Variants in SKIC3 observed in about 807,000 individuals in gnomAD.
SKIC3 encodes the protein superkiller complex protein 3.
At chr5:95,506,657 C>T in the SKIC3 span, among the ~76,000 whole-genome samples, 2 of 152,122 alleles carry the variant, frequency 1.3e-5, no homozygotes, top group East Asian at 1.9e-4. Context: ...TTCCAATTAA[C>T]GAGGCTTCTA....
chr5:95,477,336 C>T, the SKIC3 span, among the ~76,000 whole-genome samples: 1 of 151,932 alleles, frequency 6.6e-6, no homozygotes, highest in Non-Finnish European at 1.5e-5. Context: ...ATGTGCTCTA[C>T]AGTAATGGCA....
the SKIC3 span, among the ~76,000 whole-genome samples, chr5:95,537,897 A>G: frequency 1.3e-5 from 2 of 152,192 alleles, no homozygotes; most frequent in Admixed American, 6.5e-5. Context: ...TATAAAGTCT[A>G]TGTAAATAAG....
the SKIC3 span, chr5:95,484,735 G>A: frequency 6.2e-7 from 1 of 1,614,140 alleles, no homozygotes; most frequent in Non-Finnish European, 8.5e-7. Context: ...TTTGTGCAGA[G>A]AGTTTCAGCT....
At chr5:95,516,574 T>C in the SKIC3 span, 1 of 1,613,464 alleles carries the variant, frequency 6.2e-7, no homozygotes, top group Non-Finnish European at 8.5e-7. Flanking sequence ...AGCAAGGGCA[T>C]AATTTCCAAT....
At chr5:95,543,268 T>C in the SKIC3 span, 1 of 1,614,130 alleles carries the variant, frequency 6.2e-7, no homozygotes, top group Non-Finnish European at 8.5e-7. Context: ...CTAGTTCAGC[T>C]GCAGCAACGC....
At chr5:95,547,193 A>C in the SKIC3 span, 3 of 1,565,516 alleles carry the variant, frequency 1.9e-6, no homozygotes, top group Non-Finnish European at 8.8e-7. Flanking sequence ...AGTAATACCT[A>C]CCCAATCGTA....
At chr5:95,523,006 TCTC>T in the SKIC3 span, among the ~76,000 whole-genome samples, 1 of 152,134 alleles carries the variant, frequency 6.6e-6, no homozygotes. Context: ...AATCTGGCTA[TCTC>T]CTCAACAACA....
the SKIC3 span, chr5:95,498,508 T>C: frequency 6.2e-7 from 1 of 1,614,240 alleles, no homozygotes. Context: ...AAGTGCTGCT[T>C]TTGACAGTGT....
At chr5:95,552,444 C>T in the SKIC3 span, among the ~76,000 whole-genome samples, 2 of 152,126 alleles carry the variant, frequency 1.3e-5, no homozygotes, top group Admixed American at 6.5e-5. Flanking sequence ...TTCTTATATA[C>T]CCAACACTTA....
chr5:95,521,915 G>A, the SKIC3 span: 9 of 991,776 alleles, frequency 9.1e-6, no homozygotes, highest in South Asian at 1.4e-4. Flanking sequence ...AAGCTATACT[G>A]TAAGAGGTTC....
At chr5:95,530,865 T>G in the SKIC3 span, among the ~76,000 whole-genome samples, 3 of 152,202 alleles carry the variant, frequency 2.0e-5, no homozygotes, top group African/African-American at 7.2e-5. Flanking sequence ...TTAGAAAACA[T>G]TATATATTTT....
the SKIC3 span, among the ~76,000 whole-genome samples, chr5:95,506,776 T>G: frequency 6.6e-6 from 1 of 152,178 alleles, no homozygotes. Context: ...GTTACCATTA[T>G]AGGTATAGGA....
chr5:95,514,846 A>G, the SKIC3 span: 61 of 1,611,050 alleles, frequency 3.8e-5, no homozygotes, highest in Non-Finnish European at 4.7e-5. Context: ...TATATGTTAT[A>G]TTTCTTACTT....
the SKIC3 span, chr5:95,506,842 T>C: frequency 7.9e-7 from 1 of 1,258,854 alleles, no homozygotes; most frequent in Non-Finnish European, 1.2e-6. Context: ...GTACCAGTAT[T>C]CTAGGAACTA....
the SKIC3 span, chr5:95,469,646 T>C: frequency 1.6e-6 from 2 of 1,221,262 alleles, no homozygotes; most frequent in South Asian, 1.3e-5. Context: ...TAGATACAGA[T>C]ATATAAATAC....
At chr5:95,541,194 G>C in the SKIC3 span, 1 of 962,338 alleles carries the variant, frequency 1.0e-6, no homozygotes, top group Non-Finnish European at 1.7e-6. Context: ...TCGAACTCCC[G>C]ACCTCAGGTG....
the SKIC3 span, among the ~76,000 whole-genome samples, chr5:95,489,512 C>A: frequency 3.8e-5 from 5 of 130,894 alleles, no homozygotes; most frequent in African/African-American, 6.1e-5. Flanking sequence ...TAAAAAAGGG[C>A]AACCAGTTAA....
At chr5:95,506,454 ATCTT>A in the SKIC3 span, among the ~76,000 whole-genome samples, 2 of 152,116 alleles carry the variant, frequency 1.3e-5, no homozygotes, top group East Asian at 1.9e-4. Flanking sequence ...CTGGTTCTTA[ATCTT>A]TCTTTCTTTT....
the SKIC3 span, among the ~76,000 whole-genome samples, chr5:95,490,453 A>T: frequency 1.5e-3 from 216 of 147,116 alleles, no homozygotes; most frequent in African/African-American, 5.2e-3. Context: ...GTATATATAT[A>T]TTTAAATAAT....
Sources: gnomAD v4.1 joint callset for allele counts (sites outside exome capture counted in the v4.1 genomes callset) on GRCh38, gnomAD v4.1.1 for gene constraint, MANE v1.5 for transcripts, NCBI Gene and HGNC (gene_info 2026-07-23, HGNC 2026-07-21) for gene names.